Variants in IBTK observed in about 807,000 individuals in gnomAD.
IBTK encodes inhibitor of Bruton tyrosine kinase.
In IBTK, 83 loss-of-function variants were observed where a neutral mutation model predicts 154.9. That is an observed-to-expected ratio of 0.54 (90% confidence interval 0.45 to 0.64). IBTK has a LOEUF of 0.64. Ranked by LOEUF, IBTK falls within the 30% of genes least tolerant of loss-of-function variation. The pLI, the probability that IBTK is intolerant of heterozygous loss-of-function variation, is 0.00. For missense variants in IBTK, 1,332 were observed against 1,584.6 expected, an observed-to-expected ratio of 0.84 and a Z score of 2.71; for synonymous variants, 515 against 536.1, an observed-to-expected ratio of 0.96 and a Z score of 0.54.
chr6:82,244,898 G>A (rs1043182394), intron 1 of IBTK, among the ~76,000 whole-genome samples: 2 of 151,790 alleles, frequency 1.3e-5, no homozygotes, highest in African/African-American at 2.4e-5. Flanking sequence ...TTTCTGCTAC[G>A]TTACACTGTC....
chr6:82,237,452 A>G (rs923732554), intron 2 of IBTK, among the ~76,000 whole-genome samples: 12 of 151,780 alleles, frequency 7.9e-5, no homozygotes, highest in Admixed American at 2.6e-4. Context: ...CTGGGGGGGA[A>G]AAAAAAAGGA....
In IBTK at chr6:82,171,422, G is replaced by T; in HGVS notation, c.*3C>A. The stretch of plus-strand genomic sequence containing the variant: ...GTAAAATGCATCTCAACTCCACAGT[G>T]AACTAGCATCCATGCTTATTCCACA... On this transcript the variant is annotated 3_prime_UTR_variant, in exon 29 of 29. Coordinates refer to ENST00000306270, the MANE Select transcript of IBTK (RefSeq NM_015525.4). The T allele has an allele frequency of 6.2e-7, 1 of 1,610,520 alleles. No homozygotes were observed. The highest frequency in any genetic ancestry group is 1.1e-5 in the South Asian group (1 of 90,652).
chr6:82,200,894 C>G (rs1036071599), intron 19 of IBTK, among the ~76,000 whole-genome samples, 186 bp from the exon 20 acceptor site: 1 of 151,686 alleles, frequency 6.6e-6, no homozygotes, highest in Non-Finnish European at 1.5e-5. Context: ...AGCCACCACA[C>G]CCAGCCTAAA....
chr6:82,219,906 T>C (rs1267525865), intron 9 of IBTK, among the ~76,000 whole-genome samples: 1 of 152,168 alleles, frequency 6.6e-6, no homozygotes, highest in Non-Finnish European at 1.5e-5. Context: ...GCCTGATCTT[T>C]ACTTTTTTAA....
intron 1 of IBTK, among the ~76,000 whole-genome samples, chr6:82,244,706 T>G (rs1174451265): frequency 6.6e-6 from 1 of 152,172 alleles, no homozygotes; most frequent in Non-Finnish European, 1.5e-5. Flanking sequence ...GTACTTCTTA[T>G]CTATGCATTC....
intron 8 of IBTK, 121 bp downstream of exon 8, chr6:82,223,319 T>G: frequency 1.4e-6 from 1 of 702,190 alleles, no homozygotes; most frequent in South Asian, 4.1e-5. Context: ...CTGATGTTTT[T>G]CCTCATTCAA....
At chr6:82,176,463 G>A (rs140795491) in intron 26 of IBTK, among the ~76,000 whole-genome samples, 20,283 of 149,954 alleles carry the variant, frequency 0.14, 1,657 homozygotes, top group Non-Finnish European at 0.18. Context: ...AGAGGTTGCA[G>A]TGAGCGGAGA....
intron 2 of IBTK, 78 bp from the exon 3 acceptor site, chr6:82,234,333 A>T: frequency 2.1e-6 from 1 of 484,518 alleles, no homozygotes. Flanking sequence ...TTCCTATTTT[A>T]TTATTATTTT....
chr6:82,247,206 G>A (rs1229685737), intron 1 of IBTK, among the ~76,000 whole-genome samples: 1 of 152,244 alleles, frequency 6.6e-6, no homozygotes, highest in Admixed American at 6.5e-5. Context: ...GAACATGAGC[G>A]CCCACAGGAA....
At chr6:82,187,490 G>C (rs1034205167) in intron 25 of IBTK, among the ~76,000 whole-genome samples, 1 of 152,106 alleles carries the variant, frequency 6.6e-6, no homozygotes, top group African/African-American at 2.4e-5. Flanking sequence ...AAAGTAATCA[G>C]AAAGGTATAA....
At chr6:82,182,753 T>C (rs1429599995) in intron 25 of IBTK, among the ~76,000 whole-genome samples, 4 of 152,108 alleles carry the variant, frequency 2.6e-5, no homozygotes, top group African/African-American at 7.2e-5. Flanking sequence ...ACAGCAGCCA[T>C]AGAAACACAA....
chr6:82,207,650 C>T (rs1215801029), intron 16 of IBTK, among the ~76,000 whole-genome samples: 1 of 152,104 alleles, frequency 6.6e-6, no homozygotes, highest in African/African-American at 2.4e-5. Flanking sequence ...TAGCAGAACA[C>T]AGTAGGAAAA....
At chr6:82,232,282 T>C (rs1437753351) in intron 3 of IBTK, among the ~76,000 whole-genome samples, 2 of 152,154 alleles carry the variant, frequency 1.3e-5, no homozygotes, top group Non-Finnish European at 2.9e-5. Flanking sequence ...ATGAAAATAA[T>C]ATATAGAACT....
chr6:82,227,377 TA>T, intron 4 of IBTK, 75 bp from the exon 5 acceptor site: 1 of 838,500 alleles, frequency 1.2e-6, no homozygotes, highest in Non-Finnish European at 1.8e-6. Flanking sequence ...AGAAATAGAA[TA>T]TTGTTAATTG....
chr6:82,175,816 G>A (rs1189050079), intron 26 of IBTK, among the ~76,000 whole-genome samples: 1 of 152,008 alleles, frequency 6.6e-6, no homozygotes, highest in Non-Finnish European at 1.5e-5. Context: ...GATCACCTGA[G>A]GTCAGGAGTT....
At chr6:82,200,758 T>A in intron 19 of IBTK, 50 bp from the exon 20 acceptor site, 1 of 1,204,216 alleles carries the variant, frequency 8.3e-7, no homozygotes, top group Non-Finnish European at 1.1e-6. Flanking sequence ...GTGAAGTTTT[T>A]TTTTTTTTTT....
chr6:82,242,840 G>A (rs1019336034), intron 1 of IBTK, among the ~76,000 whole-genome samples: 14 of 152,046 alleles, frequency 9.2e-5, no homozygotes, highest in Non-Finnish European at 2.1e-4. Flanking sequence ...GGGAGGCTGA[G>A]GCAGGAGAAA....
chr6:82,191,697 G>A, intron 24 of IBTK, 90 bp downstream of exon 24: 1 of 847,886 alleles, frequency 1.2e-6, no homozygotes, highest in Non-Finnish European at 2.0e-6. Context: ...ATCAAATGCA[G>A]AAAAATAATA....
At chr6:82,217,162 T>C (rs981601548) in intron 10 of IBTK, among the ~76,000 whole-genome samples, 5 of 152,076 alleles carry the variant, frequency 3.3e-5, no homozygotes, top group Non-Finnish European at 5.9e-5. Flanking sequence ...TTTACAGAAA[T>C]AGAAAACACT....
Sources: allele counts gnomAD v4.1 joint callset (sites outside exome capture counted in the v4.1 genomes callset), GRCh38; gene constraint gnomAD v4.1.1; transcripts MANE v1.5; gene names NCBI Gene and HGNC (gene_info 2026-07-23, HGNC 2026-07-21).